DNAH9: variants seen among roughly 807,000 people sequenced by gnomAD.
DNAH9 encodes the protein DNAH9 variant protein.
In DNAH9, 345 loss-of-function variants were observed where a neutral mutation model predicts 471.6. The ratio of observed to expected loss-of-function variants is 0.73; its 90% confidence interval spans 0.67 to 0.80. The LOEUF is 0.80. DNAH9 is among the 30% of genes least tolerant of loss of function. The pLI is 0.00. For missense variants in DNAH9, 5,407 were observed against 5,609.2 expected, an observed-to-expected ratio of 0.96 and a Z score of 1.15; for synonymous variants, 2,093 against 2,123.6, an observed-to-expected ratio of 0.99 and a Z score of 0.40.
chr17:11,876,951 C>A (rs1304359757), intron 53 of DNAH9, among the ~76,000 whole-genome samples: 2 of 151,808 alleles, frequency 1.3e-5, no homozygotes, highest in Non-Finnish European at 1.5e-5. Context: ...TGGTCTCGCA[C>A]TCCTGACCTT....
chr17:11,958,825 T>C (rs1034194129), intron 67 of DNAH9, among the ~76,000 whole-genome samples: 1 of 152,164 alleles, frequency 6.6e-6, no homozygotes, highest in Non-Finnish European at 1.5e-5. Context: ...CCAAATACGT[T>C]ATGAGCAAAT....
At chr17:11,847,152 G>T (rs1318293388) in intron 49 of DNAH9, among the ~76,000 whole-genome samples, 1 of 152,094 alleles carries the variant, frequency 6.6e-6, no homozygotes, top group Admixed American at 6.6e-5. Context: ...CTCCTATTCT[G>T]TAGATTCTCT....
At chr17:11,881,919 GA>G (rs893053035) in intron 55 of DNAH9, among the ~76,000 whole-genome samples, 11 of 135,966 alleles carry the variant, frequency 8.1e-5, no homozygotes, top group South Asian at 7.4e-4. Context: ...TCAAAAAAAA[GA>G]AAAAAAAAAC....
intron 17 of DNAH9, among the ~76,000 whole-genome samples, chr17:11,670,574 C>G (rs2073957335): frequency 6.6e-6 from 1 of 152,128 alleles, no homozygotes; most frequent in African/African-American, 2.4e-5. Context: ...CTGCCTTGCT[C>G]CCTGATCTGG....
intron 56 of DNAH9, among the ~76,000 whole-genome samples, chr17:11,886,175 T>G (rs1021174163): frequency 6.6e-6 from 1 of 151,912 alleles, no homozygotes; most frequent in Non-Finnish European, 1.5e-5. Flanking sequence ...ATAACAAAAA[T>G]TAGTCGGGCG....
At chr17:11,795,980 C>G (rs1475471308) in intron 42 of DNAH9, among the ~76,000 whole-genome samples, 3 of 152,200 alleles carry the variant, frequency 2.0e-5, no homozygotes, top group African/African-American at 7.2e-5. Flanking sequence ...TTCCACTATT[C>G]AAAGCTTAAG....
intron 26 of DNAH9, among the ~76,000 whole-genome samples, chr17:11,707,203 A>G (rs1390084436): frequency 1.3e-5 from 2 of 152,182 alleles, no homozygotes; most frequent in East Asian, 1.9e-4. Flanking sequence ...AAGGAATTGT[A>G]TGTCTGAATA....
intron 42 of DNAH9, among the ~76,000 whole-genome samples, chr17:11,794,929 TG>T (rs1969190068): frequency 5.1e-5 from 3 of 58,652 alleles, no homozygotes; most frequent in Admixed American, 2.1e-4. Context: ...TGTTGTGGGG[TG>T]GGGGGAGGGA....
At chr17:11,742,083 G>C in intron 29 of DNAH9, 92 bp from the exon 30 acceptor site, 1 of 1,185,822 alleles carries the variant, frequency 8.4e-7, no homozygotes, top group South Asian at 1.4e-5. Flanking sequence ...ATGCCTCCAT[G>C]TGTGATCTCG....
At chr17:11,758,445 T>A (rs1967504199) in intron 35 of DNAH9, among the ~76,000 whole-genome samples, 1 of 152,164 alleles carries the variant, frequency 6.6e-6, no homozygotes, top group African/African-American at 2.4e-5. Flanking sequence ...GAGGCAAGAA[T>A]GGGCCCCTGA....
At chr17:11,832,993 C>T (rs1273111543) in intron 48 of DNAH9, among the ~76,000 whole-genome samples, 1 of 152,186 alleles carries the variant, frequency 6.6e-6, no homozygotes, top group Non-Finnish European at 1.5e-5. Flanking sequence ...AACAGATTGC[C>T]ACCCCCAGAA....
chr17:11,633,905 C>T (rs1187946865), intron 8 of DNAH9, among the ~76,000 whole-genome samples: 1 of 152,158 alleles, frequency 6.6e-6, no homozygotes, highest in East Asian at 1.9e-4. Flanking sequence ...CTACAGACCC[C>T]CTTTAAATTT....
chr17:11,636,930 AC>A, intron 9 of DNAH9, 146 bp downstream of exon 9: 1 of 742,192 alleles, frequency 1.3e-6, no homozygotes, highest in East Asian at 2.7e-5. Context: ...GAAATTCCAG[AC>A]CACCTTGGGT....
At position 11,689,808 on chromosome 17, in the gene DNAH9, T is replaced by C; in HGVS notation, c.3986T>C (p.Val1329Ala). 1 of 1,614,038 alleles carries C rather than the reference T, an allele frequency of 6.2e-7. No homozygotes were observed. Among genetic ancestry groups the C allele is most frequent in the South Asian group, 1.1e-5 (1 of 91,070 alleles). Residue 1329 changes from valine (V) to alanine (A), a missense_variant, in exon 20 of 69, where the codon GTG (valine) becomes GCG (alanine). By Grantham distance (64) the Val-to-Ala change is moderately conservative. Around this residue, in one of 3 missense-constraint regions of DNAH9, gnomAD observed 4,636 missense variants for 4,900.3 expected, o/e 0.95. Coordinates refer to ENST00000262442, the MANE Select transcript of DNAH9 (RefSeq NM_001372.4). Reference protein sequence around the residue: ...WETTPWRNINVEAMELECKQF... With the variant: ...WETTPWRNINAEAMELECKQF... ...ACCACACCCTGGAGGAATATCAACG[T>C]GGAAGCCATGGAGTTGGAGTGCAAA...
intron 49 of DNAH9, among the ~76,000 whole-genome samples, chr17:11,847,603 A>T (rs1007724819): frequency 2.0e-5 from 3 of 152,150 alleles, no homozygotes; most frequent in African/African-American, 7.2e-5. Context: ...AGTGCCATAA[A>T]CAAAATTTTA....
At chr17:11,927,772 A>G (rs1597836827) in intron 62 of DNAH9, among the ~76,000 whole-genome samples, 1 of 152,188 alleles carries the variant, frequency 6.6e-6, no homozygotes, top group South Asian at 2.1e-4. Context: ...TATTGTGTGG[A>G]TTTCCCAACC....
intron 49 of DNAH9, among the ~76,000 whole-genome samples, chr17:11,838,347 T>A (rs748781425): frequency 5.9e-5 from 9 of 152,152 alleles, no homozygotes; most frequent in Non-Finnish European, 1.3e-4. Context: ...AGCCTTGTAG[T>A]GGTATTACAG....
At chr17:11,675,223 T>C (rs2074031117) in intron 17 of DNAH9, among the ~76,000 whole-genome samples, 1 of 152,200 alleles carries the variant, frequency 6.6e-6, no homozygotes, top group South Asian at 2.1e-4. Flanking sequence ...CAGTTCGTAG[T>C]ATAAATAATA....
chr17:11,947,483 T>C (rs1421712158), intron 67 of DNAH9, among the ~76,000 whole-genome samples: 2 of 152,222 alleles, frequency 1.3e-5, no homozygotes, highest in Non-Finnish European at 2.9e-5. Context: ...AGATGTGCTA[T>C]AAGCTTAAAT....
Sources: allele counts gnomAD v4.1 joint callset (sites outside exome capture counted in the v4.1 genomes callset), GRCh38; gene constraint gnomAD v4.1.1; regional missense constraint gnomAD v4.1.1; transcripts MANE v1.5; gene names NCBI Gene and HGNC (gene_info 2026-07-23, HGNC 2026-07-21).